Variants in POLR2B observed in about 807,000 individuals in gnomAD.
The protein encoded by POLR2B is RNA polymerase II subunit B.
Under a neutral mutation model 144.6 loss-of-function variants are expected in POLR2B, and 57 were observed. The observed-to-expected ratio is 0.39, with a 90% CI of 0.32 to 0.49. POLR2B has a LOEUF of 0.49. POLR2B is among the 20% of genes least tolerant of loss of function. The pLI, the probability that POLR2B is intolerant of heterozygous loss-of-function variation, is 0.83. For synonymous variants in POLR2B, 442 were observed against 469.8 expected (o/e 0.94, Z 0.77); for missense variants, 595 against 1,467.4 (o/e 0.41, Z 9.71).
chr4:56,990,964 T>C (rs1192507064), intron 3 of POLR2B, 66 bp downstream of exon 3: 1 of 1,385,992 alleles, frequency 7.2e-7, no homozygotes, highest in African/African-American at 1.5e-5. Context: ...AGCCCTTCTC[T>C]TACCTGGCTT....
Position 57,017,276 on chromosome 4 carries a change from T to G in POLR2B, c.2154+35T>G. The G allele has an allele frequency of 6.9e-7, 1 of 1,445,088 alleles. No homozygotes were observed. The highest frequency in any genetic ancestry group is 1.8e-5 in the Admixed American group (1 of 54,130). The allele number at this position is 1,445,088 out of a possible 1,614,324, so 89.5% of individuals were successfully genotyped here. On this transcript the variant is annotated intron_variant, in intron 15 of 24. Coordinates refer to ENST00000314595, the MANE Select transcript of POLR2B (RefSeq NM_000938.3). This position sits in a 1 kb window ranked among gnomAD's most constrained non-coding sequence, Gnocchi z 4.8. Reference sequence around the variant, plus strand: ...ACTTTTTGTCTTCTGGTGTGAGGAATTGGGAGAAGTAATAAAAATTGAAAG... The same window carrying G: ...ACTTTTTGTCTTCTGGTGTGAGGAAGTGGGAGAAGTAATAAAAATTGAAAG...
Position 57,023,142 on chromosome 4 carries a change from C to CTTT in POLR2B, c.2516-180_2516-178dup. 3 of 452,696 alleles carry CTTT rather than the reference C, an allele frequency of 6.6e-6. No individual in the cohort carries two copies. Among genetic ancestry groups the CTTT allele is most frequent in the South Asian group, 3.3e-5 (1 of 30,156 alleles). The allele number at this position is 452,696 out of a possible 1,614,324, so 28.0% of individuals were successfully genotyped here. A position where few individuals can be genotyped will look rare whatever the true frequency, so the allele number is the denominator to read the frequency against. On this transcript the variant is annotated intron_variant, in intron 18 of 24. Coordinates refer to ENST00000314595, the MANE Select transcript of POLR2B (RefSeq NM_000938.3). The surrounding 1 kb of genome is among the most constrained non-coding windows in gnomAD (Gnocchi z 4.3). ...TTCCAATGTTCTTTTCCTTCATAGACTTTTTTTTTTGTTTTCTGTGTGGGC... is the reference window on the plus strand; with the variant it reads ...TTCCAATGTTCTTTTCCTTCATAGACTTTTTTTTTTTTTGTTTTCTGTGTGGGC...
In POLR2B at chr4:57,010,169, A is replaced by G. The variant is rs568379386; in HGVS notation, c.1405-192A>G. On this transcript the variant is annotated intron_variant, in intron 10 of 24. Coordinates refer to ENST00000314595, the MANE Select transcript of POLR2B (RefSeq NM_000938.3). ...ACAGAATGTTTATGTGGTATGTTTG[A>G]ATATATTTGCCATCCCTGCTGCAAG... The G allele has an allele frequency of 1.8e-5, 10 of 554,496 alleles. No individual in the cohort carries two copies. The South Asian group carries it at 2.4e-4, about 13-fold the overall frequency. The allele number at this position is 554,496 out of a possible 1,614,324, so 34.3% of individuals were successfully genotyped here.
At chr4:57,021,702 T>C (rs375448141) in intron 17 of POLR2B, among the ~76,000 whole-genome samples, 4 of 152,140 alleles carry the variant, frequency 2.6e-5, no homozygotes, top group East Asian at 1.9e-4. Context: ...GGTTTCACCA[T>C]GTTGGCCAGG....
chr4:57,001,950 T>C (rs1368189410), intron 7 of POLR2B, among the ~76,000 whole-genome samples: 1 of 152,198 alleles, frequency 6.6e-6, no homozygotes, highest in African/African-American at 2.4e-5. Flanking sequence ...ATTTTAGTTA[T>C]TTGAATATTT....
At chr4:57,018,640 A>G (rs1015549570) in intron 16 of POLR2B, among the ~76,000 whole-genome samples, 7 of 152,226 alleles carry the variant, frequency 4.6e-5, no homozygotes, top group Non-Finnish European at 1.0e-4. Flanking sequence ...TGAACTTCCA[A>G]CAGTGAGTTG....
At chr4:56,987,319 C>G (rs935599370) in intron 2 of POLR2B, among the ~76,000 whole-genome samples, 2 of 152,022 alleles carry the variant, frequency 1.3e-5, no homozygotes, top group Non-Finnish European at 2.9e-5. Flanking sequence ...AATAAAATTA[C>G]GAGAAGCCTT....
chr4:57,020,405 G>A (rs1343362397), intron 16 of POLR2B, among the ~76,000 whole-genome samples: 1 of 152,130 alleles, frequency 6.6e-6, no homozygotes, highest in Non-Finnish European at 1.5e-5. Context: ...TCATTGTGGT[G>A]GGAAAGATAT....
In POLR2B at chr4:56,998,477, A is replaced by T. The variant is rs76146773; in HGVS notation, c.736-1140A>T. On this transcript the variant is annotated intron_variant, in intron 6 of 24. Transcript: ENST00000314595. ...CTCCCAGAGTGCTGGGATTACAGGC[A>T]TGTGAGCCACTGTGCCCGGCCTGTG... is the stretch of plus-strand genomic sequence containing the variant. Among the ~76,000 whole-genome samples, 59 of 152,202 alleles carry T rather than the reference A, an allele frequency of 3.9e-4. No individual in the cohort carries two copies. The East Asian group carries it at 0.011, about 29-fold the overall frequency.
At chr4:57,011,301 G>T (rs1051641317) in intron 13 of POLR2B, among the ~76,000 whole-genome samples, 1 of 148,956 alleles carries the variant, frequency 6.7e-6, no homozygotes, top group Admixed American at 6.7e-5. Context: ...AGGCCGAGGC[G>T]CAGATCACCT....
intron 13 of POLR2B, among the ~76,000 whole-genome samples, chr4:57,013,537 A>AT (rs979801275): frequency 3.3e-4 from 37 of 111,680 alleles, no homozygotes; most frequent in Admixed American, 2.8e-3. Context: ...GGTTGGCTGT[A>AT]TTTTTTTTTC....
At position 56,982,096 on chromosome 4, in the gene POLR2B, G is replaced by A. The variant is rs1031250190; in HGVS notation, c.19+3092G>A. Among the ~76,000 whole-genome samples, 6 of 152,192 alleles carry A rather than the reference G, an allele frequency of 3.9e-5. 1 individual carries two copies. In the South Asian group the frequency reaches 8.3e-4, roughly 21 times the overall value. On this transcript the variant is annotated intron_variant, in intron 1 of 24. Coordinates refer to ENST00000314595, the MANE Select transcript of POLR2B (RefSeq NM_000938.3). ...ATTGTTTCAGTTACCATCTGTATGC[G>A]GATAACTTCTGAATGTGTATACTTC...
At chr4:57,025,559 T>C in intron 23 of POLR2B, 22 bp downstream of exon 23, 1 of 1,443,168 alleles carries the variant, frequency 6.9e-7, no homozygotes. Flanking sequence ...ATCATCATCA[T>C]TATTATTAAT....
chr4:56,999,693 T>A lies in POLR2B; in HGVS notation c.812T>A (p.Ile271Asn). The A allele has an allele frequency of 6.2e-7, 1 of 1,611,058 alleles. No homozygotes were observed. Among genetic ancestry groups the A allele is most frequent in the Non-Finnish European group, 8.5e-7 (1 of 1,177,212 alleles). Residue 271 changes from isoleucine to asparagine, a missense_variant, in exon 7 of 25, where the codon ATT becomes AAT. This residue lies in a region of POLR2B where 251 missense variants were observed against 567.3 expected (regional missense o/e 0.44). Coordinates refer to ENST00000314595, the MANE Select transcript of POLR2B (RefSeq NM_000938.3). Reference sequence around the variant, plus strand: ...ATCAAGCAAGAAGTTCCCATCATTATTGTGTTCAGAGCATTAGGTTTTGTG... The same window carrying A: ...ATCAAGCAAGAAGTTCCCATCATTAATGTGTTCAGAGCATTAGGTTTTGTG... The part of the protein sequence containing the change: ...PYIKQEVPII[I>N]VFRALGFVSD...
At chr4:56,986,570 T>A (rs1722341199) in intron 2 of POLR2B, 144 bp downstream of exon 2, 2 of 506,422 alleles carry the variant, frequency 3.9e-6, no homozygotes, top group Admixed American at 7.5e-5. Flanking sequence ...GTATTTCAGA[T>A]CTAAAAGTTA....
At chr4:57,015,781 A>G (rs951580391) in intron 14 of POLR2B, 125 bp downstream of exon 14, 4 of 255,206 alleles carry the variant, frequency 1.6e-5, no homozygotes, top group Non-Finnish European at 2.7e-5. Flanking sequence ...TATTTTTTTG[A>G]CACAGCCTCA....
chr4:56,990,222 G>A (rs1207540674), intron 2 of POLR2B, among the ~76,000 whole-genome samples: 2 of 151,988 alleles, frequency 1.3e-5, no homozygotes, highest in East Asian at 3.9e-4. Context: ...GTCCATAAAG[G>A]GCATAAAGTT....
chr4:56,984,150 C>T (rs1722244920), intron 1 of POLR2B, among the ~76,000 whole-genome samples: 2 of 152,000 alleles, frequency 1.3e-5, no homozygotes, highest in African/African-American at 4.8e-5. Flanking sequence ...TAGGTGTGAG[C>T]CAGTGCGCCC....
chr4:56,978,997 G>C lies in POLR2B; in HGVS notation c.12G>C (p.Ala4=). MYD[A]DEDMQYDEDD... Reference sequence around the variant, plus strand: ...AACCGTTTGGCAATATGTACGACGCGGATGAGGGTAGGTGAACGCTCAAAA... The same window carrying C: ...AACCGTTTGGCAATATGTACGACGCCGATGAGGGTAGGTGAACGCTCAAAA... The change falls in exon 1 of 25, where the codon GCG becomes GCC. Residue 4 remains alanine, a synonymous_variant. Coordinates refer to ENST00000314595, the MANE Select transcript of POLR2B (RefSeq NM_000938.3). 6.2e-7 allele frequency: 1 copy of C among 1,613,816 alleles called. No individual in the cohort carries two copies. Among genetic ancestry groups the C allele is most frequent in the Non-Finnish European group, 8.5e-7 (1 of 1,179,914 alleles).
Sources: allele counts gnomAD v4.1 joint callset (sites outside exome capture counted in the v4.1 genomes callset), GRCh38; gene constraint gnomAD v4.1.1; regional missense constraint gnomAD v4.1.1; non-coding constraint Gnocchi (gnomAD v3.1); transcripts MANE v1.5; gene names NCBI Gene and HGNC (gene_info 2026-07-23, HGNC 2026-07-21).